RARB: variants seen among roughly 807,000 people sequenced by gnomAD.
The protein encoded by RARB is HBV-activated protein.
In RARB, 17 loss-of-function variants were observed where a neutral mutation model predicts 51.9. That is an observed-to-expected ratio of 0.33 (90% confidence interval 0.22 to 0.49). The LOEUF is 0.49. Among genes scored for constraint, RARB ranks in the 20% least tolerant of loss-of-function variants. The probability of loss-of-function intolerance (pLI) is 0.99; values close to 1 mark genes in which losing one functional copy is unlikely to be tolerated. For missense variants in RARB, 369 were observed against 550.8 expected, an observed-to-expected ratio of 0.67 and a Z score of 3.30; for synonymous variants, 215 against 195.4, an observed-to-expected ratio of 1.10 and a Z score of -0.84.
At chr3:25,109,946 C>T (rs1699572183) in intron 3 of RARB, among the ~76,000 whole-genome samples, 1 of 152,220 alleles carries the variant, frequency 6.6e-6, no homozygotes, top group Non-Finnish European at 1.5e-5. Context: ...CATCCCTTTG[C>T]TTCCCATCTC....
intron 5 of RARB, among the ~76,000 whole-genome samples, chr3:25,297,402 CTTTTTTTTTT>C (rs67843073): frequency 9.5e-5 from 6 of 63,434 alleles, no homozygotes; most frequent in South Asian, 1.7e-3. Flanking sequence ...AGAAGGTATT[CTTTTTTTTTT>C]TTTTTTTTTT....
intron 5 of RARB, among the ~76,000 whole-genome samples, chr3:25,351,812 C>T (rs544401651): frequency 4.2e-4 from 64 of 152,242 alleles, no homozygotes; most frequent in Non-Finnish European, 7.2e-4. Flanking sequence ...AGCCTCAGCC[C>T]GGTCTGGCTG....
At chr3:24,909,382 C>T (rs1694940804) in intron 2 of RARB, among the ~76,000 whole-genome samples, 1 of 152,114 alleles carries the variant, frequency 6.6e-6, no homozygotes, top group African/African-American at 2.4e-5. Context: ...ATATGGGGAT[C>T]ATCTTGGTGC....
chr3:25,222,790 A>T (rs1054337912), intron 5 of RARB, among the ~76,000 whole-genome samples: 2 of 152,174 alleles, frequency 1.3e-5, no homozygotes, highest in African/African-American at 4.8e-5. Context: ...AACATTCTTC[A>T]TAGTGATTTT....
At chr3:25,341,882 C>T (rs540295263) in intron 5 of RARB, among the ~76,000 whole-genome samples, 3 of 152,120 alleles carry the variant, frequency 2.0e-5, no homozygotes, top group South Asian at 2.1e-4. Flanking sequence ...TCAAACTACG[C>T]TAATTTCCTG....
chr3:25,580,838 C>A, intron 5 of RARB, 116 bp downstream of exon 5: 2 of 1,166,476 alleles, frequency 1.7e-6, no homozygotes, highest in Non-Finnish European at 1.2e-6. Context: ...AGTTTCGACT[C>A]TAGCACTCAC....
chr3:24,848,055 CT>C (rs933816614), intron 1 of RARB, among the ~76,000 whole-genome samples: 54 of 152,172 alleles, frequency 3.5e-4, no homozygotes, highest in African/African-American at 1.3e-3. Flanking sequence ...TGCTGTAAGG[CT>C]TTTTAAATTT....
chr3:24,972,955 C>T (rs1187281616), intron 2 of RARB, among the ~76,000 whole-genome samples: 1 of 151,948 alleles, frequency 6.6e-6, no homozygotes, highest in East Asian at 1.9e-4. Flanking sequence ...GTTTCCTTCG[C>T]TATGCAGAAC....
chr3:24,922,463 G>A (rs763568904), intron 2 of RARB, among the ~76,000 whole-genome samples: 8 of 152,110 alleles, frequency 5.3e-5, no homozygotes, highest in South Asian at 2.1e-4. Flanking sequence ...CACAGCAGTC[G>A]TAGGCCGTAG....
At chr3:25,159,939 C>T (rs553514918) in intron 4 of RARB, among the ~76,000 whole-genome samples, 27 of 152,254 alleles carry the variant, frequency 1.8e-4, no homozygotes, top group Non-Finnish European at 3.2e-4. Flanking sequence ...GAGAAAACTA[C>T]CCATTCTTTC....
chr3:25,164,532 C>T (rs1700530059), intron 4 of RARB, among the ~76,000 whole-genome samples: 1 of 152,068 alleles, frequency 6.6e-6, no homozygotes, highest in Non-Finnish European at 1.5e-5. Flanking sequence ...TTTTTGTTGT[C>T]TTGACTTTTA....
At chr3:25,110,591 A>G (rs892269035) in intron 3 of RARB, among the ~76,000 whole-genome samples, 2 of 152,244 alleles carry the variant, frequency 1.3e-5, no homozygotes, top group African/African-American at 2.4e-5. Context: ...AAGGAGAACC[A>G]TAATTCAATA....
chr3:25,060,336 A>G (rs1350839737), intron 3 of RARB, among the ~76,000 whole-genome samples: 1 of 151,874 alleles, frequency 6.6e-6, no homozygotes, highest in African/African-American at 2.4e-5. Flanking sequence ...TATTTTTACT[A>G]TATATAAAAA....
chr3:25,050,107 A>G (rs1003839760), intron 2 of RARB, among the ~76,000 whole-genome samples: 6 of 152,222 alleles, frequency 3.9e-5, no homozygotes, highest in Non-Finnish European at 7.3e-5. Context: ...GTGGAAAAGC[A>G]TATGCCAAGC....
intron 2 of RARB, among the ~76,000 whole-genome samples, chr3:25,055,834 C>A (rs556368135): frequency 6.6e-6 from 1 of 152,122 alleles, no homozygotes; most frequent in Non-Finnish European, 1.5e-5. Flanking sequence ...CAGCAAGCCT[C>A]CAAAAAGAGT....
intron 2 of RARB, among the ~76,000 whole-genome samples, chr3:24,935,298 AG>A (rs1171691003): frequency 6.6e-6 from 1 of 152,080 alleles, no homozygotes; most frequent in Non-Finnish European, 1.5e-5. Flanking sequence ...AGTTAAAAAA[AG>A]AAAACAGTAC....
intron 3 of RARB, among the ~76,000 whole-genome samples, chr3:25,513,137 A>AAG (rs1553626199): frequency 6.7e-6 from 1 of 149,736 alleles, no homozygotes; most frequent in Non-Finnish European, 1.5e-5. Context: ...AAAAAAAAAA[A>AAG]GTAGCCAGAT....
At chr3:25,302,285 A>C (rs1028219726) in intron 5 of RARB, among the ~76,000 whole-genome samples, 7 of 152,234 alleles carry the variant, frequency 4.6e-5, no homozygotes, top group Non-Finnish European at 1.0e-4. Flanking sequence ...GGATATACTC[A>C]AAGGAATGAA....
chr3:25,550,503 T>A (rs1380398212), intron 3 of RARB, among the ~76,000 whole-genome samples: 2 of 152,140 alleles, frequency 1.3e-5, no homozygotes, highest in Non-Finnish European at 2.9e-5. Flanking sequence ...CCCTCAGGAC[T>A]CATTTAAGAT....
Sources: allele counts gnomAD v4.1 joint callset (sites outside exome capture counted in the v4.1 genomes callset), GRCh38; gene constraint gnomAD v4.1.1; transcripts MANE v1.5; gene names NCBI Gene and HGNC (gene_info 2026-07-23, HGNC 2026-07-21).